Variants in NYAP2 observed in about 807,000 individuals in gnomAD.
NYAP2 encodes neuronal tyrosine-phosphorylated phosphoinositide-3-kinase adapter 2.
Under a neutral mutation model 50.4 loss-of-function variants are expected in NYAP2, and 23 were observed. The ratio of observed to expected loss-of-function variants is 0.46; its 90% CI spans 0.33 to 0.65. The LOEUF is 0.65. Ranked by LOEUF, NYAP2 falls within the 30% of genes least tolerant of loss-of-function variation. The probability of loss-of-function intolerance (pLI) is 0.02; values close to 1 mark genes in which losing one functional copy is unlikely to be tolerated. For missense variants in NYAP2, 885 were observed against 861.0 expected, an observed-to-expected ratio of 1.03 and a Z score of -0.35; for synonymous variants, 394 against 365.2, an observed-to-expected ratio of 1.08 and a Z score of -0.90.
chr2:225,631,631 C>A (rs1693317070), intron 6 of NYAP2, among the ~76,000 whole-genome samples: 1 of 152,076 alleles, frequency 6.6e-6, no homozygotes, highest in Non-Finnish European at 1.5e-5. Context: ...CTCTAGTCTA[C>A]CCTTCTACTA....
chr2:225,625,303 A>T (rs1386812957), intron 5 of NYAP2, among the ~76,000 whole-genome samples: 1 of 152,196 alleles, frequency 6.6e-6, no homozygotes, highest in Non-Finnish European at 1.5e-5. Context: ...TCTGCAATAT[A>T]AATAAATTAA....
intron 3 of NYAP2, among the ~76,000 whole-genome samples, chr2:225,418,543 A>C (rs1695161928): frequency 6.6e-6 from 1 of 152,192 alleles, no homozygotes; most frequent in Non-Finnish European, 1.5e-5. Context: ...ATTTGGTGAC[A>C]GATTGGATGG....
chr2:225,626,958 C>T lies in NYAP2; in HGVS notation c.1660C>T (p.Pro554Ser). 1.3e-6 allele frequency: 2 copies of T among 1,585,078 alleles called. No individual in the cohort carries two copies. Among genetic ancestry groups the T allele is most frequent in the Non-Finnish European group, 1.7e-6 (2 of 1,165,612 alleles). The change falls in exon 6 of 7, where the codon CCA (proline) becomes TCA (serine). Residue 554 changes from proline (P) to serine (S), a missense_variant. Pro to Ser is a moderately conservative substitution (Grantham distance 74). Coordinates refer to ENST00000636099, the Ensembl canonical transcript of NYAP2. ...GAAAGTCCGAAGCCACAGCACGGAG[C>T]CATTACCAAAGTTGGACAACAAGGA...
At chr2:225,632,034 T>C (rs1693326282) in intron 6 of NYAP2, among the ~76,000 whole-genome samples, 1 of 152,112 alleles carries the variant, frequency 6.6e-6, no homozygotes, top group Admixed American at 6.6e-5. Flanking sequence ...ATCAGGCTAG[T>C]CTCAAACTCC....
At chr2:225,516,805 A>C (rs771907449) in intron 4 of NYAP2, among the ~76,000 whole-genome samples, 1 of 152,222 alleles carries the variant, frequency 6.6e-6, no homozygotes, top group Non-Finnish European at 1.5e-5. Flanking sequence ...ATTACAGAGC[A>C]TATGTTTTCT....
intron 3 of NYAP2, among the ~76,000 whole-genome samples, chr2:225,452,324 T>G (rs1689667192): frequency 6.6e-6 from 1 of 152,198 alleles, no homozygotes; most frequent in Admixed American, 6.5e-5. Context: ...AAGTGCACTC[T>G]TAAGAGTGCT....
chr2:225,693,932 T>A, the NYAP2 span, among the ~76,000 whole-genome samples: 2 of 151,996 alleles, frequency 1.3e-5, no homozygotes, highest in African/African-American at 4.8e-5. Flanking sequence ...GAGATTGAAA[T>A]TTCACCTCCT....
chr2:225,656,342 T>C (rs1693825344), downstream of NYAP2, among the ~76,000 whole-genome samples: 1 of 152,186 alleles, frequency 6.6e-6, no homozygotes, highest in African/African-American at 2.4e-5. Flanking sequence ...GTATACTTAA[T>C]AGCTGTTATC....
chr2:225,599,683 A>G (rs1008645926), intron 5 of NYAP2, among the ~76,000 whole-genome samples: 5 of 152,202 alleles, frequency 3.3e-5, no homozygotes, highest in Non-Finnish European at 7.3e-5. Flanking sequence ...AACTGATGGA[A>G]GAAGGTATCA....
intron 6 of NYAP2, among the ~76,000 whole-genome samples, chr2:225,644,763 G>A (rs1337494660): frequency 1.2e-4 from 18 of 148,684 alleles, no homozygotes; most frequent in East Asian, 2.0e-4. Context: ...GATATGCGGC[G>A]TTATTTCTGA....
chr2:225,433,519 A>T (rs1482065449), intron 3 of NYAP2, among the ~76,000 whole-genome samples: 1 of 152,202 alleles, frequency 6.6e-6, no homozygotes, highest in Non-Finnish European at 1.5e-5. Flanking sequence ...ATTTAAAAAA[A>T]AATTTAAAAT....
At chr2:225,581,139 A>C (rs906989092) in intron 4 of NYAP2, among the ~76,000 whole-genome samples, 1 of 152,200 alleles carries the variant, frequency 6.6e-6, no homozygotes, top group Non-Finnish European at 1.5e-5. Context: ...ATCTGTTGTG[A>C]GTTTCCAGAA....
intron 5 of NYAP2, among the ~76,000 whole-genome samples, chr2:225,623,739 A>G (rs1693163602): frequency 6.6e-6 from 1 of 152,222 alleles, no homozygotes; most frequent in Admixed American, 6.5e-5. Context: ...TAAATTCAAC[A>G]TGCTTGCTCT....
chr2:225,505,319 G>A (rs1197992906), intron 3 of NYAP2, among the ~76,000 whole-genome samples: 5 of 152,172 alleles, frequency 3.3e-5, no homozygotes, highest in Admixed American at 6.5e-5. Context: ...ATGAAGTGGT[G>A]AAAATGAGTG....
the NYAP2 span, among the ~76,000 whole-genome samples, chr2:225,678,188 TCTAA>T: frequency 0.02 from 3,047 of 152,200 alleles, 100 homozygotes; most frequent in African/African-American, 0.068. Flanking sequence ...GTCTAGATTT[TCTAA>T]CTTTTACACA....
intron 3 of NYAP2, among the ~76,000 whole-genome samples, chr2:225,490,205 C>T (rs918424550): frequency 6.6e-6 from 1 of 152,132 alleles, no homozygotes; most frequent in African/African-American, 2.4e-5. Context: ...ACTAAATACT[C>T]TAGGGAATTT....
chr2:225,555,784 T>C (rs1691765858), intron 4 of NYAP2, among the ~76,000 whole-genome samples: 1 of 152,160 alleles, frequency 6.6e-6, no homozygotes, highest in African/African-American at 2.4e-5. Context: ...AGTCCTACAA[T>C]TTCCAGAATC....
At chr2:225,648,464 G>A (rs1693674126) in intron 6 of NYAP2, among the ~76,000 whole-genome samples, 1 of 152,084 alleles carries the variant, frequency 6.6e-6, no homozygotes, top group Admixed American at 6.6e-5. Context: ...AAGTATCTAG[G>A]AAACACAGTC....
chr2:225,532,866 A>C (rs997090951), intron 4 of NYAP2, among the ~76,000 whole-genome samples: 2 of 151,834 alleles, frequency 1.3e-5, no homozygotes, highest in Non-Finnish European at 2.9e-5. Context: ...CAGTGTTTGC[A>C]GTGATGCCCT....
Sources: allele counts gnomAD v4.1 joint callset (sites outside exome capture counted in the v4.1 genomes callset), GRCh38; gene constraint gnomAD v4.1.1; transcripts MANE v1.5; gene names NCBI Gene and HGNC (gene_info 2026-07-23, HGNC 2026-07-21).